SUGCT: variants seen among roughly 807,000 people sequenced by gnomAD.
SUGCT encodes the protein succinyl-CoA:glutarate CoA-transferase.
A neutral mutation model predicts 55.0 loss-of-function variants in SUGCT; 41 were observed. The ratio of observed to expected loss-of-function variants is 0.74; its 90% CI spans 0.58 to 0.97. The LOEUF (loss-of-function observed/expected upper bound fraction) is 0.97. Among genes scored for constraint, SUGCT ranks in the 50% least tolerant of loss-of-function variants. The pLI is 0.00. For missense variants in SUGCT, 568 were observed against 547.8 expected, an observed-to-expected ratio of 1.04 and a Z score of -0.37; for synonymous variants, 187 against 200.4, an observed-to-expected ratio of 0.93 and a Z score of 0.56.
intron 12 of SUGCT, among the ~76,000 whole-genome samples, chr7:40,706,482 A>G (rs1443515605): frequency 1.3e-5 from 2 of 152,284 alleles, no homozygotes; most frequent in African/African-American, 4.8e-5. Flanking sequence ...CTCCAACCTG[A>G]GCGACAGAGC....
At chr7:40,210,467 T>C (rs1377546581) in intron 6 of SUGCT, among the ~76,000 whole-genome samples, 3 of 150,080 alleles carry the variant, frequency 2.0e-5, no homozygotes, top group Non-Finnish European at 4.4e-5. Flanking sequence ...TGTGTGTGTG[T>C]GTATATATAT....
At chr7:40,362,154 A>G (rs909212116) in intron 9 of SUGCT, among the ~76,000 whole-genome samples, 3 of 151,994 alleles carry the variant, frequency 2.0e-5, no homozygotes, top group Non-Finnish European at 2.9e-5. Context: ...CGCAGTGGCT[A>G]TCGCCTGTAA....
intron 9 of SUGCT, among the ~76,000 whole-genome samples, chr7:40,435,167 GCTTCAAGGCCAACTTTTGGC>G (rs760182398): frequency 6.6e-6 from 1 of 152,142 alleles, no homozygotes; most frequent in Non-Finnish European, 1.5e-5. Flanking sequence ...GACCCTCTAT[GCTTCAAGGCCAACTTTTGGC>G]CATGGTAAGA....
the SUGCT span, among the ~76,000 whole-genome samples, chr7:40,900,596 G>A: frequency 1.3e-5 from 2 of 152,226 alleles, no homozygotes; most frequent in Non-Finnish European, 2.9e-5. Context: ...CTGTGCCCAA[G>A]CCTGGGCTGG....
chr7:40,932,442 G>A, the SUGCT span, among the ~76,000 whole-genome samples: 162 of 152,244 alleles, frequency 1.1e-3, no homozygotes, highest in African/African-American at 3.5e-3. Flanking sequence ...TATTAGGTCC[G>A]CTTGGTGCAG....
intron 9 of SUGCT, among the ~76,000 whole-genome samples, chr7:40,348,640 T>G (rs946180850): frequency 1.3e-5 from 2 of 152,186 alleles, no homozygotes; most frequent in Non-Finnish European, 2.9e-5. Context: ...TTATTTTAGG[T>G]CTCTGTCTGT....
intron 11 of SUGCT, among the ~76,000 whole-genome samples, chr7:40,481,248 G>C (rs1791018419): frequency 6.6e-6 from 1 of 152,034 alleles, no homozygotes; most frequent in Admixed American, 6.6e-5. Context: ...TGACCCGTGA[G>C]GATCACTTGA....
the SUGCT span, among the ~76,000 whole-genome samples, chr7:40,887,881 G>C: frequency 1.3e-5 from 2 of 152,156 alleles, no homozygotes; most frequent in Admixed American, 1.3e-4. Flanking sequence ...AGGGGAATGT[G>C]GTACCGGAAA....
chr7:40,162,152 T>C (rs1475702505), intron 1 of SUGCT, among the ~76,000 whole-genome samples: 3 of 152,148 alleles, frequency 2.0e-5, no homozygotes, highest in Non-Finnish European at 2.9e-5. Context: ...CGCCTCGGCC[T>C]CCCAAAGCTC....
At chr7:40,414,309 C>G (rs968662100) in intron 9 of SUGCT, among the ~76,000 whole-genome samples, 2 of 152,092 alleles carry the variant, frequency 1.3e-5, no homozygotes, top group Non-Finnish European at 2.9e-5. Flanking sequence ...CTTTTTCCCA[C>G]CCAGGATGTG....
chr7:40,417,109 G>A (rs751404662), intron 9 of SUGCT, among the ~76,000 whole-genome samples: 10 of 151,614 alleles, frequency 6.6e-5, no homozygotes, highest in Middle Eastern at 3.4e-3. Context: ...TTTTCTGCTC[G>A]CCTTTCTTAT....
intron 6 of SUGCT, among the ~76,000 whole-genome samples, chr7:40,204,492 CAG>C (rs1039386241): frequency 6.6e-6 from 1 of 151,934 alleles, no homozygotes; most frequent in Non-Finnish European, 1.5e-5. Flanking sequence ...TTAGTAGAGA[CAG>C]GGTTTCACTG....
intron 12 of SUGCT, among the ~76,000 whole-genome samples, chr7:40,654,266 G>GA (rs139899538): frequency 8.6e-5 from 13 of 151,336 alleles, no homozygotes; most frequent in African/African-American, 2.4e-4. Flanking sequence ...GAGCTCAGGG[G>GA]AAAAAAAAAG....
chr7:41,018,424 T>C, the SUGCT span, among the ~76,000 whole-genome samples: 2 of 152,060 alleles, frequency 1.3e-5, no homozygotes, highest in African/African-American at 4.8e-5. Context: ...GAGGGAAAGG[T>C]GAGGAAGCAT....
chr7:40,159,207 ACCAC>A (rs1784033446), intron 1 of SUGCT, among the ~76,000 whole-genome samples: 1 of 152,224 alleles, frequency 6.6e-6, no homozygotes, highest in Admixed American at 6.5e-5. Flanking sequence ...GGTGTGAGCC[ACCAC>A]GCCTGGCCAG....
At chr7:40,898,497 G>GGT in the SUGCT span, among the ~76,000 whole-genome samples, 4 of 92,156 alleles carry the variant, frequency 4.3e-5, no homozygotes, top group Admixed American at 1.0e-4. Context: ...GGGGGGGGGG[G>GGT]TGGATCACGA....
chr7:40,898,893 T>C, the SUGCT span, among the ~76,000 whole-genome samples: 4 of 152,074 alleles, frequency 2.6e-5, no homozygotes, highest in South Asian at 6.3e-4. Flanking sequence ...AGTCAAAACT[T>C]CCTAGGTACA....
intron 12 of SUGCT, among the ~76,000 whole-genome samples, chr7:40,554,289 G>T (rs950088585): frequency 3.3e-5 from 5 of 152,156 alleles, no homozygotes; most frequent in African/African-American, 4.8e-5. Flanking sequence ...ATGGTGGATG[G>T]TTTCCCTAAA....
chr7:40,807,956 T>C (rs952706590), intron 13 of SUGCT, among the ~76,000 whole-genome samples: 2 of 152,176 alleles, frequency 1.3e-5, no homozygotes, highest in Non-Finnish European at 2.9e-5. Flanking sequence ...TATTCTGGCC[T>C]CACTTGTGTG....
Sources: gnomAD v4.1 joint callset for allele counts (sites outside exome capture counted in the v4.1 genomes callset) on GRCh38, gnomAD v4.1.1 for gene constraint, MANE v1.5 for transcripts, NCBI Gene and HGNC (gene_info 2026-07-23, HGNC 2026-07-21) for gene names.